TBL1XR1: variants seen among roughly 807,000 people sequenced by gnomAD.
The protein encoded by TBL1XR1 is TBL1X/Y related 1.
Under a neutral mutation model 66.9 loss-of-function variants are expected in TBL1XR1, and 5 were observed. That is an observed-to-expected ratio of 0.07 (90% confidence interval 0.04 to 0.16). TBL1XR1 has a LOEUF of 0.16. Among genes scored for constraint, TBL1XR1 ranks in the 10% least tolerant of loss-of-function variants. The probability of loss-of-function intolerance (pLI) is 1.00; values close to 1 mark genes in which losing one functional copy is unlikely to be tolerated. For synonymous variants in TBL1XR1, 210 were observed against 206.0 expected, an observed-to-expected ratio of 1.02 and a Z score of -0.17; for missense variants, 238 against 623.2, an observed-to-expected ratio of 0.38 and a Z score of 6.58.
At chr3:177,190,546 G>T (rs1736017666) in intron 1 of TBL1XR1, among the ~76,000 whole-genome samples, 1 of 152,120 alleles carries the variant, frequency 6.6e-6, no homozygotes, top group South Asian at 2.1e-4. Flanking sequence ...TCAAACTCCT[G>T]ACCTCAGGTG....
At chr3:177,050,423 A>G in intron 6 of TBL1XR1, 55 bp downstream of exon 6, 1 of 1,589,330 alleles carries the variant, frequency 6.3e-7, no homozygotes, top group Non-Finnish European at 8.6e-7. Flanking sequence ...ATATGTTTAT[A>G]AAATGTTCAA....
At chr3:177,031,345 T>A (rs1049888683) in intron 14 of TBL1XR1, among the ~76,000 whole-genome samples, 2 of 151,786 alleles carry the variant, frequency 1.3e-5, no homozygotes, top group Admixed American at 6.6e-5. Context: ...TTTTTATTTT[T>A]TTTTTTTGAG....
chr3:177,032,750 AAAG>A (rs1243274971), intron 14 of TBL1XR1: 7 of 370,242 alleles, frequency 1.9e-5, no homozygotes, highest in Non-Finnish European at 3.3e-5. Context: ...GAAAAAAACA[AAAG>A]AATACAATAA....
At chr3:177,144,204 C>T (rs999254655) in intron 1 of TBL1XR1, among the ~76,000 whole-genome samples, 2 of 152,018 alleles carry the variant, frequency 1.3e-5, no homozygotes, top group African/African-American at 4.8e-5. Context: ...TGAGATCACA[C>T]CACTGCACTC....
chr3:177,156,982 T>C (rs1731596160), intron 1 of TBL1XR1, among the ~76,000 whole-genome samples: 1 of 152,178 alleles, frequency 6.6e-6, no homozygotes, highest in African/African-American at 2.4e-5. Flanking sequence ...ATTTGTTAAT[T>C]TGTAGTTCTG....
At chr3:177,181,822 GAA>G (rs199618348) in intron 1 of TBL1XR1, among the ~76,000 whole-genome samples, 1 of 86,580 alleles carries the variant, frequency 1.2e-5, no homozygotes, top group East Asian at 2.7e-4. Flanking sequence ...TTCAAGTTAG[GAA>G]AAAAAAAAAA....
intron 1 of TBL1XR1, among the ~76,000 whole-genome samples, chr3:177,168,578 G>A (rs764429692): frequency 3.9e-5 from 6 of 152,092 alleles, no homozygotes; most frequent in Non-Finnish European, 7.4e-5. Flanking sequence ...TACCACGTCC[G>A]GCCATGAACC....
intron 1 of TBL1XR1, among the ~76,000 whole-genome samples, chr3:177,110,120 T>C (rs1386300865): frequency 6.6e-6 from 1 of 152,222 alleles, no homozygotes; most frequent in Non-Finnish European, 1.5e-5. Context: ...AATTGACATG[T>C]TGTATATGCA....
chr3:177,137,374 C>T (rs1729124270), intron 1 of TBL1XR1, among the ~76,000 whole-genome samples: 1 of 152,074 alleles, frequency 6.6e-6, no homozygotes, highest in Admixed American at 6.6e-5. Flanking sequence ...TGCCTGTAGT[C>T]CCGGTTACTC....
At position 177,026,410 on chromosome 3, in the gene TBL1XR1, G is replaced by C. The variant is rs1450565910; in HGVS notation, c.1481C>G (p.Ala494Gly). ...TGCACTGGCTCCAACTTTGTCTCCT[G>C]CTGCATTCCAGCAAACTTCAAATAT... ...GGIFEVCWNA[A>G]GDKVGASASD... Residue 494 changes from alanine to glycine, a missense_variant, in exon 15 of 16, where the codon GCA becomes GGA. Physicochemically the swap from Ala to Gly is moderately conservative, Grantham distance 60. This residue lies in a region of TBL1XR1 where 8 missense variants were observed against 40.2 expected (regional missense o/e 0.20). Transcript: ENST00000457928. The C allele has an allele frequency of 1.2e-6, 2 of 1,612,820 alleles. No individual in the cohort carries two copies. Among genetic ancestry groups the C allele is most frequent in the Middle Eastern group, 1.7e-4 (1 of 6,060 alleles).
chr3:177,147,021 C>T (rs1181429018), intron 1 of TBL1XR1, among the ~76,000 whole-genome samples: 1 of 151,422 alleles, frequency 6.6e-6, no homozygotes, highest in African/African-American at 2.4e-5. Context: ...ATACTTTTTA[C>T]TGCTTCATCA....
chr3:177,031,994 A>G (rs1388806771), intron 14 of TBL1XR1, among the ~76,000 whole-genome samples: 1 of 152,138 alleles, frequency 6.6e-6, no homozygotes, highest in African/African-American at 2.4e-5. Context: ...GTGCTTAAAT[A>G]TATAAAAAAA....
chr3:177,088,719 A>G (rs1036215545), intron 2 of TBL1XR1, among the ~76,000 whole-genome samples: 5 of 145,008 alleles, frequency 3.4e-5, no homozygotes, highest in Non-Finnish European at 6.1e-5. Flanking sequence ...TTAAAAAAAA[A>G]AAAAAGAAAA....
chr3:177,150,421 G>A (rs1163736719), intron 1 of TBL1XR1, among the ~76,000 whole-genome samples: 1 of 152,142 alleles, frequency 6.6e-6, no homozygotes, highest in Non-Finnish European at 1.5e-5. Context: ...CAAGCAGGAT[G>A]GATGCCTTCA....
At chr3:177,149,581 A>T (rs532420616) in intron 1 of TBL1XR1, among the ~76,000 whole-genome samples, 1 of 152,322 alleles carries the variant, frequency 6.6e-6, no homozygotes, top group East Asian at 1.9e-4. Flanking sequence ...CAATAGTACA[A>T]GCAAGCAACT....
At chr3:177,186,753 A>T (rs188461495) in intron 1 of TBL1XR1, among the ~76,000 whole-genome samples, 38 of 151,964 alleles carry the variant, frequency 2.5e-4, no homozygotes, top group Non-Finnish European at 4.1e-4. Flanking sequence ...TAAATACTCT[A>T]AAAAAAATTT....
At chr3:177,073,086 TAGTA>T (rs1193193299) in intron 2 of TBL1XR1, among the ~76,000 whole-genome samples, 1 of 152,030 alleles carries the variant, frequency 6.6e-6, no homozygotes, top group Non-Finnish European at 1.5e-5. Context: ...AAAAATACAT[TAGTA>T]AGTAATACAA....
At chr3:177,138,542 G>GATC (rs1729260614) in intron 1 of TBL1XR1, among the ~76,000 whole-genome samples, 1 of 151,844 alleles carries the variant, frequency 6.6e-6, no homozygotes, top group South Asian at 2.1e-4. Context: ...AGTGAGCCAT[G>GATC]ATCACATCAC....
chr3:177,108,806 T>C (rs774918126), intron 1 of TBL1XR1, among the ~76,000 whole-genome samples: 4 of 152,156 alleles, frequency 2.6e-5, no homozygotes, highest in Non-Finnish European at 4.4e-5. Context: ...GACACTGGGC[T>C]AGCTGAGACT....
Sources: gnomAD v4.1 joint callset for allele counts (sites outside exome capture counted in the v4.1 genomes callset) on GRCh38, gnomAD v4.1.1 for gene constraint, gnomAD v4.1.1 regional missense constraint, MANE v1.5 for transcripts, NCBI Gene and HGNC (gene_info 2026-07-23, HGNC 2026-07-21) for gene names.